The following ELAVL1 variants were observed in gnomAD, a reference collection of about 807,000 sequenced individuals.
ELAVL1 encodes the protein ELAV-like protein 1.
A neutral mutation model predicts 28.4 loss-of-function variants in ELAVL1; 1 was observed. The ratio of observed to expected loss-of-function variants is 0.04; its 90% CI spans 0.01 to 0.17. The LOEUF (loss-of-function observed/expected upper bound fraction) is 0.17, where lower values mean the gene tolerates loss of function less well. Among genes scored for constraint, ELAVL1 ranks in the 10% least tolerant of loss-of-function variants. The pLI is 1.00. For synonymous variants in ELAVL1, 174 were observed against 183.5 expected (o/e 0.95, Z 0.42); for missense variants, 157 against 447.2 (o/e 0.35, Z 5.85).
Position 7,981,271 on chromosome 19 carries a change from G to A in ELAVL1, c.173-85C>T, listed in dbSNP as rs1005475435. On this transcript the variant is annotated intron_variant, in intron 2 of 5. Transcript: ENST00000407627. The surrounding 1 kb of genome is among the most constrained non-coding windows in gnomAD (Gnocchi z 4.2). ...GGTCGGGAAGCACTATATCTGCCTG[G>A]CCTTTGGGAAATGGGATTACAGGTG... 1 of 1,336,366 alleles carries A rather than the reference G, an allele frequency of 7.5e-7. No homozygotes were observed. Among genetic ancestry groups the A allele is most frequent in the African/African-American group, 1.4e-5 (1 of 69,558 alleles). The allele number at this position is 1,336,366 out of a possible 1,614,324, so 82.8% of individuals were successfully genotyped here.
Position 7,991,922 on chromosome 19 carries a change from TTC to T in ELAVL1, c.-16-93_-16-92del, listed in dbSNP as rs1468995958. On this transcript the variant is annotated intron_variant, in intron 1 of 5. Transcript: ENST00000407627. Reference sequence around the variant, plus strand: ...GTAACTGCATTTGCACTTAGAGATTTTCTTTCTTTCTTTTTTTTTTTTTTTGT... The same window carrying T: ...GTAACTGCATTTGCACTTAGAGATTTTTTCTTTCTTTTTTTTTTTTTTTGT... The T allele has an allele frequency of 3.1e-5, 33 of 1,059,958 alleles. No individual in the cohort carries two copies. In the Middle Eastern group the frequency reaches 1.4e-3, roughly 46 times the overall value. 65.7% of individuals were successfully genotyped at this position (1,059,958 alleles called of 1,614,324 possible). A position where few individuals can be genotyped will look rare whatever the true frequency, so the allele number is the denominator to read the frequency against.
chr19:7,999,043 T>C (rs938992896), intron 1 of ELAVL1, among the ~76,000 whole-genome samples: 11 of 152,116 alleles, frequency 7.2e-5, no homozygotes, highest in African/African-American at 4.8e-5. Flanking sequence ...GGATTATAGG[T>C]GAGAGCCACT....
intron 1 of ELAVL1, among the ~76,000 whole-genome samples, chr19:7,999,652 G>A (rs557965708): frequency 3.3e-5 from 5 of 152,268 alleles, no homozygotes; most frequent in South Asian, 4.1e-4. Context: ...GCATGATCAC[G>A]GCTCACTGCA....
chr19:7,963,684 G>C lies in ELAVL1; in HGVS notation c.780C>G (p.Leu260=), dbSNP rs750853913. 1.2e-6 allele frequency: 2 copies of C among 1,614,272 alleles called. No homozygotes were observed. Among genetic ancestry groups the C allele is most frequent in the East Asian group, 4.5e-5 (2 of 44,894 alleles). ...CACCAAACGGCCCAAACATCTGCCA[G>C]AGGATCCCCTCGTCGGCATCCTGCC... The part of the protein sequence containing the change: ...NLGQDADEGI[L]WQMFGPFGAV... The change falls in exon 6 of 6, where the codon CTC becomes CTG. Residue 260 remains leucine, a synonymous_variant. Transcript: ENST00000407627. This position sits in a 1 kb window ranked among gnomAD's most constrained non-coding sequence, Gnocchi z 4.5.
At chr19:7,987,604 C>T (rs1201934306) in intron 2 of ELAVL1, among the ~76,000 whole-genome samples, 2 of 152,208 alleles carry the variant, frequency 1.3e-5, no homozygotes, top group Non-Finnish European at 2.9e-5. Flanking sequence ...TCCTTCCTCC[C>T]GCCACCAGTG....
intron 1 of ELAVL1, among the ~76,000 whole-genome samples, chr19:7,993,501 C>A (rs1398884438): frequency 6.6e-6 from 1 of 152,238 alleles, no homozygotes; most frequent in Non-Finnish European, 1.5e-5. Flanking sequence ...AGTTTGCAGG[C>A]TTTGAAATGT....
At chr19:7,988,324 GCAGA>G (rs1163580802) in intron 2 of ELAVL1, among the ~76,000 whole-genome samples, 5 of 152,170 alleles carry the variant, frequency 3.3e-5, no homozygotes, top group South Asian at 2.1e-4. Flanking sequence ...AAAGGAGGTG[GCAGA>G]CAGAGGGCAG....
intron 3 of ELAVL1, among the ~76,000 whole-genome samples, chr19:7,974,704 C>T (rs145699335): frequency 1.1e-4 from 16 of 152,178 alleles, no homozygotes; most frequent in Admixed American, 5.2e-4. Flanking sequence ...GATGTGTTCC[C>T]GAGAAGGGTG....
At chr19:7,974,414 T>G (rs1260920458) in intron 3 of ELAVL1, among the ~76,000 whole-genome samples, 1 of 152,262 alleles carries the variant, frequency 6.6e-6, no homozygotes, top group Non-Finnish European at 1.5e-5. Flanking sequence ...CCTTTTGGAT[T>G]TATATTTTGC....
intron 4 of ELAVL1, among the ~76,000 whole-genome samples, chr19:7,969,642 G>A (rs2145203124): frequency 6.6e-6 from 1 of 152,270 alleles, no homozygotes; most frequent in East Asian, 1.9e-4. Context: ...AAACCTAAAT[G>A]AAAATCGAAC....
chr19:8,004,006 G>A (rs2081078403), intron 1 of ELAVL1, among the ~76,000 whole-genome samples: 2 of 152,166 alleles, frequency 1.3e-5, no homozygotes, highest in Non-Finnish European at 2.9e-5. Context: ...TCAAACCCTG[G>A]CGCAGCCACT....
At chr19:7,976,748 G>A (rs981408866) in intron 3 of ELAVL1, among the ~76,000 whole-genome samples, 2 of 152,144 alleles carry the variant, frequency 1.3e-5, no homozygotes, top group African/African-American at 4.8e-5. Context: ...TGACCACTCA[G>A]CTTGCCACAG....
chr19:7,980,909 G>C (rs923619746), intron 3 of ELAVL1, among the ~76,000 whole-genome samples, 174 bp downstream of exon 3: 1 of 152,126 alleles, frequency 6.6e-6, no homozygotes, highest in African/African-American at 2.4e-5. Flanking sequence ...AGTGGGTCCT[G>C]AGACACTCAT....
intron 4 of ELAVL1, among the ~76,000 whole-genome samples, chr19:7,969,679 CGCTG>C (rs1568308106): frequency 6.6e-6 from 1 of 152,136 alleles, no homozygotes; most frequent in African/African-American, 2.4e-5. Context: ...TGAGAGCTGA[CGCTG>C]GCCGGCTCGT....
rs1353276856 is a variant in ELAVL1 at position 7,961,375 on chromosome 19, G to A, written c.*2108C>T. The A allele has an allele frequency of 6.6e-6, 1 of 151,068 alleles. No homozygotes were observed. Among genetic ancestry groups the A allele is most frequent in the Non-Finnish European group, 1.5e-5 (1 of 67,520 alleles). The allele number at this position is 151,068 out of a possible 1,614,324, so 9.4% of individuals were successfully genotyped here. ...TTGGCTCCCACCTTCCATCAGAAGG[G>A]TGTTGGCTCCCACCTTCCATCAGAA... On this transcript the variant is annotated 3_prime_UTR_variant, in exon 6 of 6. Transcript: ENST00000407627.
rs1179660855 is a variant in ELAVL1 at position 7,962,660 on chromosome 19, C to T, written c.*823G>A. 3 of 152,662 alleles carry T rather than the reference C, an allele frequency of 2.0e-5. No individual in the cohort carries two copies. The highest frequency in any genetic ancestry group is 6.5e-5 in the Admixed American group (1 of 15,290). 9.5% of individuals were successfully genotyped at this position (152,662 alleles called of 1,614,324 possible). Reference sequence around the variant, plus strand: ...TGCTCTGGAAAACGGGAGAAATTATCGTGAACAACAGTATCCAATGTGTGG... The same window carrying T: ...TGCTCTGGAAAACGGGAGAAATTATTGTGAACAACAGTATCCAATGTGTGG... On this transcript the variant is annotated 3_prime_UTR_variant, in exon 6 of 6. Transcript: ENST00000407627.
chr19:8,003,441 C>T (rs1201095738), intron 1 of ELAVL1, among the ~76,000 whole-genome samples: 1 of 150,548 alleles, frequency 6.6e-6, no homozygotes, highest in Non-Finnish European at 1.5e-5. Flanking sequence ...GCCTGTAATC[C>T]CAGCACTTTG....
At chr19:8,001,030 T>G (rs1266079831) in intron 1 of ELAVL1, among the ~76,000 whole-genome samples, 1 of 152,248 alleles carries the variant, frequency 6.6e-6, no homozygotes, top group Non-Finnish European at 1.5e-5. Flanking sequence ...GCACTAAGTC[T>G]CCTGCTCATC....
intron 2 of ELAVL1, among the ~76,000 whole-genome samples, chr19:7,985,800 G>A (rs1288053222): frequency 6.6e-6 from 1 of 152,226 alleles, no homozygotes; most frequent in Non-Finnish European, 1.5e-5. Context: ...CTGTCCCAGA[G>A]GCCAGTGCAT....
Sources: allele counts gnomAD v4.1 joint callset (sites outside exome capture counted in the v4.1 genomes callset), GRCh38; gene constraint gnomAD v4.1.1; non-coding constraint Gnocchi (gnomAD v3.1); transcripts MANE v1.5; gene names NCBI Gene and HGNC (gene_info 2026-07-23, HGNC 2026-07-21).